PLEC: variants seen among roughly 807,000 people sequenced by gnomAD.
PLEC encodes plectin.
Under a neutral mutation model 392.8 loss-of-function variants are expected in PLEC, and 216 were observed. The ratio of observed to expected loss-of-function variants is 0.55; its 90% CI spans 0.49 to 0.62. The LOEUF is 0.62. Ranked by LOEUF, PLEC falls within the 20% of genes least tolerant of loss-of-function variation. The pLI, the probability that PLEC is intolerant of heterozygous loss-of-function variation, is 0.00. For synonymous variants in PLEC, 3,621 were observed against 2,980.6 expected (o/e 1.21, Z -7.00); for missense variants, 6,863 against 6,563.4 (o/e 1.05, Z -1.58).
chr8:143,968,524 C>A (rs1587418602), intron 1 of PLEC, among the ~76,000 whole-genome samples: 2 of 48,954 alleles, frequency 4.1e-5, no homozygotes, highest in African/African-American at 1.6e-4. Flanking sequence ...AGCAAAACTC[C>A]ATCTCAAAAA....
chr8:143,918,024 T>A lies in PLEC; in HGVS notation c.11797A>T (p.Ser3933Cys). ...TCCACGAAGACACCAGCGATGCAGCTGGTGCCTTCCAGGAACTTCTGCAAG... is the reference window on the plus strand; with the variant it reads ...TCCACGAAGACACCAGCGATGCAGCAGGTGCCTTCCAGGAACTTCTGCAAG... ...KNLQKFLEGT[S>C]CIAGVFVDAT... Residue 3933 changes from serine (S) to cysteine (C), a missense_variant, in exon 32 of 32, where the codon AGC becomes TGC. Coordinates refer to ENST00000345136, the MANE Select transcript of PLEC (RefSeq NM_201384.3). 6.2e-7 allele frequency: 1 copy of A among 1,610,852 alleles called. No individual in the cohort carries two copies. The highest frequency in any genetic ancestry group is 1.3e-5 in the African/African-American group (1 of 74,980).
In PLEC at chr8:143,923,598, C is replaced by T; in HGVS notation, c.6331G>A (p.Val2111Met). The T allele has an allele frequency of 1.3e-6, 2 of 1,594,294 alleles. No individual in the cohort carries two copies. Among genetic ancestry groups the T allele is most frequent in the Non-Finnish European group, 1.7e-6 (2 of 1,177,292 alleles). The change falls in exon 31 of 32, where the codon GTG becomes ATG. Residue 2111 changes from valine (V) to methionine (M), a missense_variant. Coordinates refer to ENST00000345136, the MANE Select transcript of PLEC (RefSeq NM_201384.3). ...EREAAQSRRQ[V>M]EEAERLKQSA... ...TGCTTCAGCCGCTCGGCCTCTTCCA[C>T]CTGCCGCCGGGACTGCGCCGCCTCA... is the stretch of plus-strand genomic sequence containing the variant.
intron 3 of PLEC, chr8:143,937,637 C>T (rs1829407439): frequency 4.0e-6 from 2 of 495,798 alleles, no homozygotes; most frequent in Admixed American, 2.3e-5. Context: ...ACCACCTACC[C>T]GCCCAAGAGC....
intron 16 of PLEC, 50 bp from the exon 17 acceptor site, chr8:143,932,284 G>A: frequency 6.2e-7 from 1 of 1,607,738 alleles, no homozygotes. Context: ...ACCCGGCTCT[G>A]CCACGCTCCC....
chr8:143,942,618 G>T, upstream of PLEC: 1 of 1,350,892 alleles, frequency 7.4e-7, no homozygotes, highest in Non-Finnish European at 9.8e-7. Context: ...TGCCGGCTTC[G>T]CTCTCCACCT....
chr8:143,944,225 CCAGCCGCACGCCTGGCCAAGCCG>C (rs1284604282), upstream of PLEC, among the ~76,000 whole-genome samples: 2 of 152,094 alleles, frequency 1.3e-5, no homozygotes, highest in Non-Finnish European at 2.9e-5. Flanking sequence ...GGAGGAGGGG[CCAGCCGCACGCCTGGCCAAGCCG>C]CAGCCCCCCA....
Position 143,923,426 on chromosome 8 carries a change from T to C in PLEC, c.6503A>G (p.Glu2168Gly), listed in dbSNP as rs782775320. The C allele has an allele frequency of 3.1e-6, 5 of 1,610,174 alleles. No individual in the cohort carries two copies. Among genetic ancestry groups the C allele is most frequent in the East Asian group, 4.5e-5 (2 of 44,858 alleles). The change falls in exon 31 of 32, where the codon GAG (glutamate) becomes GGG (glycine). Residue 2168 changes from glutamate (E) to glycine (G), a missense_variant. Transcript: ENST00000345136. ...CTGCTCGGCGAATTTCTTATGCTTCTCCATCTCCGCGTCAGCTGCCTGCTT... is the reference window on the plus strand; with the variant it reads ...CTGCTCGGCGAATTTCTTATGCTTCCCCATCTCCGCGTCAGCTGCCTGCTT... ...RQKQAADAEM[E>G]KHKKFAEQTL...
chr8:143,955,946 T>TC (rs1491054407), upstream of PLEC, among the ~76,000 whole-genome samples: 1 of 53,622 alleles, frequency 1.9e-5, no homozygotes, highest in Non-Finnish European at 3.5e-5. Context: ...TAGGGAGACT[T>TC]TTTTTTTTTT....
At chr8:143,926,934 G>A in intron 29 of PLEC, 43 bp downstream of exon 29, 1 of 1,606,006 alleles carries the variant, frequency 6.2e-7, no homozygotes, top group Non-Finnish European at 8.5e-7. Context: ...TCCAGCCAGA[G>A]GCCTGCCAGC....
rs1316746524 is a variant in PLEC, at chr8:143,916,091, G to A, written c.*86C>T. 9 of 881,990 alleles carry A rather than the reference G, an allele frequency of 1.0e-5. No homozygotes were observed. The highest frequency in any genetic ancestry group is 8.7e-5 in the African/African-American group (5 of 57,568). The allele number at this position is 881,990 out of a possible 1,614,324, so 54.6% of individuals were successfully genotyped here. On this transcript the variant is annotated 3_prime_UTR_variant, in exon 32 of 32. Coordinates refer to ENST00000345136, the MANE Select transcript of PLEC (RefSeq NM_201384.3). ...AACTTTAGGCACCACTTGGGAGGAA[G>A]ACACCTTTAAGCGTTGAAAACGGCC...
Position 143,919,110 on chromosome 8 carries a change from G to C in PLEC, c.10711C>G (p.Gln3571Glu). 1 of 1,612,772 alleles carries C rather than the reference G, an allele frequency of 6.2e-7. No individual in the cohort carries two copies. The highest frequency in any genetic ancestry group is 8.5e-7 in the Non-Finnish European group (1 of 1,180,022). ...CTGCCGCCGCCGGGAATGTCGATCT[G>C]TGTCTCTTCAAATGCCCTTCTTGTC... is the stretch of plus-strand genomic sequence containing the variant. ...EETRRAFEET[Q>E]IDIPGGGSHG... The change falls in exon 32 of 32, where the codon CAG becomes GAG. Residue 3571 changes from glutamine (Q) to glutamate (E), a missense_variant. Transcript: ENST00000345136.
At chr8:143,955,390 A>G (rs941634255), upstream of PLEC, among the ~76,000 whole-genome samples, 2 of 152,144 alleles carry the variant, frequency 1.3e-5, no homozygotes, top group African/African-American at 4.8e-5. Context: ...CTGAGGCACG[A>G]GAATCACTGG....
rs1554668587 is a variant in PLEC at position 143,916,310 on chromosome 8, C to G, written c.13511G>C (p.Gly4504Ala). The G allele has an allele frequency of 1.3e-6, 2 of 1,581,236 alleles. No individual in the cohort carries two copies. Among genetic ancestry groups the G allele is most frequent in the Non-Finnish European group, 1.7e-6 (2 of 1,165,900 alleles). ...RTGSRAGSRR[G>A]SFDATGSGFS... is the part of the protein sequence containing the mutation. ...GCCGGAGCCGGTGGCGTCAAAGCTG[C>G]CGCGGCGGGAGCCGGCCCGGGAGCC... is the stretch of plus-strand genomic sequence containing the variant. Residue 4504 changes from glycine (G) to alanine (A), a missense_variant, in exon 32 of 32, where the codon GGC becomes GCC. Gly to Ala is a moderately conservative substitution (Grantham distance 60). Coordinates refer to ENST00000345136, the MANE Select transcript of PLEC (RefSeq NM_201384.3).
chr8:143,917,108 C>A lies in PLEC; in HGVS notation c.12713G>T (p.Gly4238Val). 1 of 1,604,818 alleles carries A rather than the reference C, an allele frequency of 6.2e-7. No homozygotes were observed. Among genetic ancestry groups the A allele is most frequent in the South Asian group, 1.1e-5 (1 of 90,974 alleles). The change falls in exon 32 of 32, where the codon GGC (glycine) becomes GTC (valine). Residue 4238 changes from glycine (G) to valine (V), a missense_variant. Transcript: ENST00000345136. ...ACGGGAGCGGAAACCACCGGCGTTG[C>A]CCGAGAGCATGTCGGCGAACTCGGT... ...SITEFADMLS[G>V]NAGGFRSRSS...
rs1828905786 is a variant in PLEC at position 143,935,839 on chromosome 8, G to A, written c.602+9C>T. ...CAGCCCACAGCCCCCTGCCCCCGGG[G>A]CCATGTACTTGTGCCGGTGGATGAT... is the stretch of plus-strand genomic sequence containing the variant. On this transcript the variant is annotated intron_variant, in intron 6 of 31. Transcript: ENST00000345136. 6.2e-7 allele frequency: 1 copy of A among 1,612,670 alleles called. No individual in the cohort carries two copies. The highest frequency in any genetic ancestry group is 8.5e-7 in the Non-Finnish European group (1 of 1,179,884).
chr8:143,923,276 T>C lies in PLEC; in HGVS notation c.6653A>G (p.Glu2218Gly), dbSNP rs1554691765. The change falls in exon 31 of 32, where the codon GAG becomes GGG. Residue 2218 changes from glutamate (E) to glycine (G), a missense_variant. Coordinates refer to ENST00000345136, the MANE Select transcript of PLEC (RefSeq NM_201384.3). ...CACCTGGCTGCGCTGGCGTGCGGCC[T>C]CCGTGGCCTCCGCCTTCAGCCGCTG... Reference protein sequence around the residue: ...ELQRLKAEATEAARQRSQVEE... With the variant: ...ELQRLKAEATGAARQRSQVEE... 1.9e-6 allele frequency: 3 copies of C among 1,607,236 alleles called. No homozygotes were observed. The highest frequency in any genetic ancestry group is 2.5e-6 in the Non-Finnish European group (3 of 1,179,806).
chr8:143,975,604 C>A (rs1213900541), upstream of PLEC, among the ~76,000 whole-genome samples: 1 of 151,808 alleles, frequency 6.6e-6, no homozygotes, highest in African/African-American at 2.4e-5. This position sits in a 1 kb window ranked among gnomAD's most constrained non-coding sequence, Gnocchi z 9.9. Flanking sequence ...TGCCTTGCCC[C>A]CTCCCGCGCA....
upstream of PLEC, among the ~76,000 whole-genome samples, chr8:143,941,259 G>C (rs1188871211): frequency 4.6e-5 from 7 of 152,154 alleles, no homozygotes; most frequent in Non-Finnish European, 8.8e-5. Context: ...GTGAGATCCC[G>C]GAACAGCCAG....
chr8:143,944,093 C>G, upstream of PLEC: 1 of 679,990 alleles, frequency 1.5e-6, no homozygotes. Context: ...TCCGCGGGTC[C>G]GGCCCTCGGC....
Sources: gnomAD v4.1 joint callset for allele counts (sites outside exome capture counted in the v4.1 genomes callset) on GRCh38, gnomAD v4.1.1 for gene constraint, Gnocchi (gnomAD v3.1) non-coding constraint, MANE v1.5 for transcripts, NCBI Gene and HGNC (gene_info 2026-07-23, HGNC 2026-07-21) for gene names.